The following ROBO2 variants were observed in gnomAD, a reference collection of about 807,000 sequenced individuals.
The protein encoded by ROBO2 is roundabout guidance receptor 2, also known as roundabout homolog 2.
In ROBO2, 53 loss-of-function variants were observed where a neutral mutation model predicts 160.8. That is an observed-to-expected ratio of 0.33 (90% CI 0.26 to 0.41). The LOEUF is 0.41. Among genes scored for constraint, ROBO2 ranks in the 10% least tolerant of loss-of-function variants. The probability of loss-of-function intolerance (pLI) is 1.00; values close to 1 mark genes in which losing one functional copy is unlikely to be tolerated. For synonymous variants in ROBO2, 664 were observed against 611.7 expected, an observed-to-expected ratio of 1.09 and a Z score of -1.26; for missense variants, 1,577 against 1,722.4, an observed-to-expected ratio of 0.92 and a Z score of 1.49.
chr3:77,302,320 T>C (rs1387258482), intron 2 of ROBO2, among the ~76,000 whole-genome samples: 2 of 152,164 alleles, frequency 1.3e-5, no homozygotes, highest in East Asian at 3.9e-4. Flanking sequence ...ATTGAACTAA[T>C]GAATACATAT....
At chr3:76,562,274 A>G (rs2084226037) in intron 2 of ROBO2, among the ~76,000 whole-genome samples, 1 of 151,954 alleles carries the variant, frequency 6.6e-6, no homozygotes. Context: ...AACTAAAATA[A>G]CAGGCATAAA....
At chr3:77,570,408 G>A (rs2093608381) in intron 13 of ROBO2, among the ~76,000 whole-genome samples, 1 of 151,876 alleles carries the variant, frequency 6.6e-6, no homozygotes, top group Non-Finnish European at 1.5e-5. Flanking sequence ...CCCGTCATGG[G>A]CTGTAACTTC....
chr3:76,218,673 C>T (rs1703735890), intron 2 of ROBO2, among the ~76,000 whole-genome samples: 1 of 152,152 alleles, frequency 6.6e-6, no homozygotes, highest in African/African-American at 2.4e-5. Flanking sequence ...ACGATACAAA[C>T]AAATGGAAGA....
chr3:77,511,136 T>C (rs1176994510), intron 5 of ROBO2, among the ~76,000 whole-genome samples: 2 of 151,904 alleles, frequency 1.3e-5, no homozygotes, highest in Non-Finnish European at 2.9e-5. Context: ...CAGGAGAAGA[T>C]GGAAACTTGG....
At chr3:77,139,585 T>C (rs1229483951) in intron 2 of ROBO2, among the ~76,000 whole-genome samples, 1 of 152,216 alleles carries the variant, frequency 6.6e-6, no homozygotes, top group East Asian at 1.9e-4. Context: ...ATAATGCAGA[T>C]ATGAAACCAG....
At chr3:76,629,584 T>C (rs761733347) in intron 2 of ROBO2, among the ~76,000 whole-genome samples, 4 of 152,158 alleles carry the variant, frequency 2.6e-5, no homozygotes, top group Non-Finnish European at 4.4e-5. Context: ...TGCTGGCAGT[T>C]GATTCGATGA....
chr3:76,697,401 C>T (rs569869200), intron 2 of ROBO2, among the ~76,000 whole-genome samples: 6 of 152,118 alleles, frequency 3.9e-5, no homozygotes, highest in East Asian at 3.9e-4. Flanking sequence ...TCCAGCACTT[C>T]GAGAGTCCAA....
At chr3:76,555,387 G>GAAGAAGAAGAAGAA (rs2083677056) in intron 2 of ROBO2, among the ~76,000 whole-genome samples, 2 of 68,232 alleles carry the variant, frequency 2.9e-5, no homozygotes, top group African/African-American at 5.9e-5. Flanking sequence ...AGAAGAAGAA[G>GAAGAAGAAGAAGAA]AAGAAGAAGA....
rs544370880 is a variant in ROBO2, at chr3:76,564,679, G to C, written c.110-533335G>C. Among the ~76,000 whole-genome samples the C allele has an allele frequency of 9.8e-4, 149 of 152,292 alleles. No individual in the cohort carries two copies. In the South Asian group the frequency reaches 0.011, roughly 11 times the overall value. On this transcript the variant is annotated intron_variant, in intron 2 of 26. Transcript: ENST00000487694. Reference sequence around the variant, plus strand: ...GAATGGAAGCTTCCTGGCCTGAAACGACTAATTCATCTTCCCAGTACACAC... The same window carrying C: ...GAATGGAAGCTTCCTGGCCTGAAACCACTAATTCATCTTCCCAGTACACAC...
chr3:76,314,467 T>C (rs2071835308), intron 2 of ROBO2, among the ~76,000 whole-genome samples: 1 of 151,966 alleles, frequency 6.6e-6, no homozygotes, highest in South Asian at 2.1e-4. Context: ...ATAATATACA[T>C]ATGTATTGAG....
intron 2 of ROBO2, among the ~76,000 whole-genome samples, chr3:76,725,763 T>C (rs566610480): frequency 2.0e-4 from 31 of 152,290 alleles, no homozygotes; most frequent in Non-Finnish European, 3.4e-4. Context: ...AGTGGAATTC[T>C]ACACTGAGGG....
intron 2 of ROBO2, among the ~76,000 whole-genome samples, chr3:76,531,459 AATT>A (rs1189799451): frequency 6.6e-6 from 1 of 152,000 alleles, no homozygotes; most frequent in Non-Finnish European, 1.5e-5. Context: ...TAAATATTTA[AATT>A]ATTATGTCTT....
At chr3:76,534,963 A>G (rs2082415148) in intron 2 of ROBO2, among the ~76,000 whole-genome samples, 1 of 152,058 alleles carries the variant, frequency 6.6e-6, no homozygotes, top group Non-Finnish European at 1.5e-5. Flanking sequence ...GCAGAAAGAA[A>G]GTAAGTCATG....
chr3:76,337,567 CACA>C (rs2073972095), intron 2 of ROBO2, among the ~76,000 whole-genome samples: 1 of 152,012 alleles, frequency 6.6e-6, no homozygotes, highest in Non-Finnish European at 1.5e-5. Context: ...AAAGCCTCAA[CACA>C]TATCACTTAC....
chr3:76,261,709 G>C (rs1215415002), intron 2 of ROBO2, among the ~76,000 whole-genome samples: 2 of 151,938 alleles, frequency 1.3e-5, no homozygotes, highest in African/African-American at 4.8e-5. Flanking sequence ...CCTCATCGTA[G>C]AAAAAATACT....
chr3:77,375,895 C>T (rs1261011757), intron 2 of ROBO2, among the ~76,000 whole-genome samples: 6 of 149,266 alleles, frequency 4.0e-5, no homozygotes, highest in African/African-American at 1.2e-4. Flanking sequence ...GTGAAATTAC[C>T]GATGATTTCA....
chr3:76,135,455 G>C (rs2071394991), intron 2 of ROBO2, among the ~76,000 whole-genome samples: 1 of 151,924 alleles, frequency 6.6e-6, no homozygotes, highest in Admixed American at 6.6e-5. Flanking sequence ...TGCTACTTTT[G>C]TATAATTTGT....
At chr3:76,768,337 T>A (rs1423747866) in intron 2 of ROBO2, among the ~76,000 whole-genome samples, 1 of 151,490 alleles carries the variant, frequency 6.6e-6, no homozygotes, top group Non-Finnish European at 1.5e-5. Flanking sequence ...TTTTCTGATG[T>A]AAATAATCTC....
chr3:77,002,506 A>G lies in ROBO2; in HGVS notation c.110-95508A>G, dbSNP rs187288636. ...TACTTTAGTAAAGTAGCTTAAAAGT[A>G]TTCAAAAATCCAATAACTATTAGAA... On this transcript the variant is annotated intron_variant, in intron 2 of 26. Transcript: ENST00000487694. Among the ~76,000 whole-genome samples, 416 of 152,108 alleles carry G rather than the reference A, an allele frequency of 2.7e-3. 2 individuals are homozygous for G. The highest frequency in any genetic ancestry group is 9.7e-3 in the African/African-American group (403 of 41,562).
Sources: allele counts gnomAD v4.1 joint callset (sites outside exome capture counted in the v4.1 genomes callset), GRCh38; gene constraint gnomAD v4.1.1; transcripts MANE v1.5; gene names NCBI Gene and HGNC (gene_info 2026-07-23, HGNC 2026-07-21).